The following EXOC1L variants were observed in gnomAD, a reference collection of about 807,000 sequenced individuals.
The protein encoded by EXOC1L is exocyst complex component 1-like.
In EXOC1L, 10 loss-of-function variants were observed where a neutral mutation model predicts 4.9. The observed-to-expected ratio is 2.02, with a 90% CI of 1.25 to 3.43. The LOEUF (loss-of-function observed/expected upper bound fraction) is 3.43, where lower values mean the gene tolerates loss of function less well. EXOC1L is among the 30% of genes most tolerant of loss of function. The pLI is 0.00. For synonymous variants in EXOC1L, 41 were observed against 20.8 expected, an observed-to-expected ratio of 1.97 and a Z score of -2.63; for missense variants, 114 against 59.4, an observed-to-expected ratio of 1.92 and a Z score of -3.02.
intron 1 of EXOC1L, among the ~76,000 whole-genome samples, chr4:55,821,962 G>C (rs1256251351): frequency 6.6e-6 from 1 of 152,198 alleles, no homozygotes; most frequent in Non-Finnish European, 1.5e-5. Context: ...CTTTGACCAT[G>C]CTTGACTCAG....
intron 1 of EXOC1L, among the ~76,000 whole-genome samples, chr4:55,821,567 C>T (rs1037715638): frequency 2.6e-5 from 4 of 152,018 alleles, no homozygotes; most frequent in Admixed American, 6.5e-5. Context: ...TAAATAATCA[C>T]AATAATTTAT....
At chr4:55,836,767 CTTTA>C (rs769904519) in intron 2 of EXOC1L, among the ~76,000 whole-genome samples, 23 of 151,884 alleles carry the variant, frequency 1.5e-4, no homozygotes, top group East Asian at 1.9e-4. Context: ...TTATTCTCTG[CTTTA>C]TTTATTTATT....
chr4:55,823,760 G>A (rs1415830001), intron 1 of EXOC1L, among the ~76,000 whole-genome samples: 1 of 152,152 alleles, frequency 6.6e-6, no homozygotes, highest in African/African-American at 2.4e-5. Flanking sequence ...CCAGGCTGGA[G>A]TGCAGTGTCA....
chr4:55,835,536 G>T (rs966393035), intron 2 of EXOC1L, among the ~76,000 whole-genome samples: 2 of 151,530 alleles, frequency 1.3e-5, no homozygotes, highest in Non-Finnish European at 3.0e-5. Context: ...TTGATTTTTT[G>T]ATTATGATCA....
intron 2 of EXOC1L, among the ~76,000 whole-genome samples, chr4:55,832,521 C>T (rs1044682767): frequency 6.6e-6 from 1 of 151,908 alleles, no homozygotes; most frequent in Admixed American, 6.6e-5. Context: ...ACCTCTAGAT[C>T]ATTGATGGTT....
chr4:55,823,398 C>A (rs1030248119), intron 1 of EXOC1L, among the ~76,000 whole-genome samples: 1 of 152,092 alleles, frequency 6.6e-6, no homozygotes, highest in South Asian at 2.1e-4. Context: ...TAAAGAATTT[C>A]TTTCTTTAAG....
chr4:55,820,962 C>T (rs1024627809), intron 1 of EXOC1L, among the ~76,000 whole-genome samples: 1 of 152,104 alleles, frequency 6.6e-6, no homozygotes, highest in South Asian at 2.1e-4. Context: ...TTGGTCCATG[C>T]CTTTTAATAC....
chr4:55,833,886 T>C lies in EXOC1L; in HGVS notation c.252+2422T>C, dbSNP rs78242921. ...TATAGGTTGAGTATTTCTGGTTTTC[T>C]CATCACTTTAAGACCTAAAATACTC... is the stretch of plus-strand genomic sequence containing the variant. On this transcript the variant is annotated intron_variant, in intron 2 of 2. Coordinates refer to ENST00000636125, the MANE Select transcript of EXOC1L (RefSeq NM_001351574.3). Among the ~76,000 whole-genome samples the C allele has an allele frequency of 9.0e-3, 1,369 of 152,050 alleles. 15 individuals carry two copies. The highest frequency in any genetic ancestry group is 0.026 in the African/African-American group (1,065 of 41,536).
intron 1 of EXOC1L, among the ~76,000 whole-genome samples, chr4:55,830,962 A>G (rs1374401399): frequency 1.3e-5 from 2 of 152,206 alleles, no homozygotes; most frequent in African/African-American, 4.8e-5. Context: ...TTAAAATTCC[A>G]ACGTGTTCTG....
chr4:55,824,415 T>G (rs1011373897), intron 1 of EXOC1L, among the ~76,000 whole-genome samples: 3 of 152,228 alleles, frequency 2.0e-5, no homozygotes, highest in Non-Finnish European at 4.4e-5. Flanking sequence ...CAGGCTGGAG[T>G]GCAGTGGCCT....
At chr4:55,827,861 A>C (rs1719924377) in intron 1 of EXOC1L, among the ~76,000 whole-genome samples, 1 of 152,272 alleles carries the variant, frequency 6.6e-6, no homozygotes, top group South Asian at 2.1e-4. Flanking sequence ...GTGTGCCTCC[A>C]CTTCACCACC....
chr4:55,832,301 T>C (rs1234125986), intron 2 of EXOC1L, among the ~76,000 whole-genome samples: 1 of 152,084 alleles, frequency 6.6e-6, no homozygotes, highest in African/African-American at 2.4e-5. Context: ...GTAGTGTTAT[T>C]GTTGAATGAA....
chr4:55,820,232 T>C (rs1719705177), intron 1 of EXOC1L, 85 bp downstream of exon 1: 2 of 394,940 alleles, frequency 5.1e-6, no homozygotes, highest in Non-Finnish European at 8.9e-6. Context: ...TTTTTTGTAT[T>C]TATTTTCCTA....
intron 1 of EXOC1L, among the ~76,000 whole-genome samples, chr4:55,822,714 G>A (rs549289416): frequency 2.5e-4 from 38 of 152,160 alleles, no homozygotes; most frequent in Non-Finnish European, 4.7e-4. Flanking sequence ...AATCTGGGGC[G>A]AGATAAGTAG....
intron 2 of EXOC1L, among the ~76,000 whole-genome samples, chr4:55,835,377 T>C (rs914934080): frequency 1.3e-5 from 2 of 151,984 alleles, no homozygotes; most frequent in African/African-American, 4.8e-5. Flanking sequence ...AACCCAGGAG[T>C]TGGATTGCTG....
intron 1 of EXOC1L, among the ~76,000 whole-genome samples, chr4:55,823,261 A>G (rs1374197408): frequency 2.0e-5 from 3 of 152,144 alleles, no homozygotes; most frequent in Admixed American, 2.0e-4. Flanking sequence ...TGTTAACAAT[A>G]AGATTGTTAA....
At chr4:55,823,544 A>G (rs1299068706) in intron 1 of EXOC1L, among the ~76,000 whole-genome samples, 3 of 152,232 alleles carry the variant, frequency 2.0e-5, no homozygotes, top group Non-Finnish European at 4.4e-5. Context: ...AAATTTTCAT[A>G]TAATTAAAGA....
chr4:55,837,168 A>G lies in EXOC1L; in HGVS notation c.336A>G (p.Arg112=). The change falls in exon 3 of 3, where the codon CGA becomes CGG. Residue 112 remains arginine (R), a synonymous_variant. Coordinates refer to ENST00000636125, the MANE Select transcript of EXOC1L (RefSeq NM_001351574.3). ...GTGCTTCTAAATATGCCTTTGCTCG[A>G]ACTGTAAATAAGCTGAATCATGCAT... ...YSCASKYAFA[R]TVNKLNHAYL... is the part of the protein sequence containing the mutation. 1 of 702,120 alleles carries G rather than the reference A, an allele frequency of 1.4e-6. No individual in the cohort carries two copies. The highest frequency in any genetic ancestry group is 2.6e-6 in the Non-Finnish European group (1 of 384,354). The allele number at this position is 702,120 out of a possible 1,614,324, so 43.5% of individuals were successfully genotyped here.
intron 1 of EXOC1L, among the ~76,000 whole-genome samples, chr4:55,826,715 A>T (rs1410901426): frequency 6.6e-6 from 1 of 152,214 alleles, no homozygotes; most frequent in Non-Finnish European, 1.5e-5. Context: ...ATTAATGTGG[A>T]TACGGCCATT....
Sources: gnomAD v4.1 joint callset for allele counts (sites outside exome capture counted in the v4.1 genomes callset) on GRCh38, gnomAD v4.1.1 for gene constraint, MANE v1.5 for transcripts, NCBI Gene and HGNC (gene_info 2026-07-23, HGNC 2026-07-21) for gene names.